KIAA1671: variants seen among roughly 807,000 people sequenced by gnomAD.
KIAA1671 encodes the protein KIAA1671.
Under a neutral mutation model 131.2 loss-of-function variants are expected in KIAA1671, and 52 were observed. That is an observed-to-expected ratio of 0.40 (90% CI 0.32 to 0.50). The LOEUF is 0.50. Ranked by LOEUF, KIAA1671 falls within the 20% of genes least tolerant of loss-of-function variation. The pLI is 0.73. For missense variants in KIAA1671, 2,360 were observed against 2,364.2 expected (o/e 1.00, Z 0.04); for synonymous variants, 1,003 against 961.6 (o/e 1.04, Z -0.80).
chr22:25,041,384 C>T lies in KIAA1671; in HGVS notation c.4254C>T (p.Ile1418=). 1 of 1,551,728 alleles carries T rather than the reference C, an allele frequency of 6.4e-7. No individual in the cohort carries two copies. The highest frequency in any genetic ancestry group is 2.4e-5 in the East Asian group (1 of 40,912). Residue 1418 remains isoleucine, a synonymous_variant, in exon 5 of 13, where the codon ATC becomes ATT. Coordinates refer to ENST00000358431, the MANE Select transcript of KIAA1671 (RefSeq NM_001145206.2). Reference sequence around the variant, plus strand: ...CAGAGAAGGGGCCCCCTGCCAACATCCGAGAGGGCCTGTCCATCATGCATG... The same window carrying T: ...CAGAGAAGGGGCCCCCTGCCAACATTCGAGAGGGCCTGTCCATCATGCATG... The part of the protein sequence containing the change: ...AYSEKGPPAN[I]REGLSIMHEA...
chr22:25,138,448 G>T (rs995523987), intron 6 of KIAA1671, among the ~76,000 whole-genome samples: 4 of 152,216 alleles, frequency 2.6e-5, no homozygotes, highest in African/African-American at 9.6e-5. Context: ...AGTATGGTCT[G>T]CCTGACACAG....
At chr22:25,052,562 G>C (rs1401172873) in intron 6 of KIAA1671, 1 of 152,066 alleles carries the variant, frequency 6.6e-6, no homozygotes, top group Non-Finnish European at 1.5e-5. Context: ...TCCAAGTTCT[G>C]GGTCTGCAGT....
chr22:25,076,955 C>T (rs1218491070), intron 6 of KIAA1671, among the ~76,000 whole-genome samples: 2 of 152,310 alleles, frequency 1.3e-5, no homozygotes, highest in South Asian at 2.1e-4. Flanking sequence ...GGTATCTCCT[C>T]CAAGGTCCCC....
intron 1 of KIAA1671, among the ~76,000 whole-genome samples, chr22:24,987,548 C>T (rs1448246979): frequency 6.6e-6 from 1 of 152,114 alleles, no homozygotes; most frequent in Non-Finnish European, 1.5e-5. Context: ...CTCACTGCAG[C>T]CTCAAACTCC....
intron 3 of KIAA1671, among the ~76,000 whole-genome samples, chr22:25,031,341 C>T (rs1354096337): frequency 5.9e-5 from 9 of 152,122 alleles, no homozygotes; most frequent in South Asian, 2.1e-4. Flanking sequence ...GGACTACAGG[C>T]GTCAGCCACC....
At chr22:25,034,073 G>A (rs2145796136) in intron 4 of KIAA1671, among the ~76,000 whole-genome samples, 1 of 148,216 alleles carries the variant, frequency 6.7e-6, no homozygotes, top group African/African-American at 2.5e-5. Flanking sequence ...TGGAAACGGA[G>A]TTTTGCTTGT....
At chr22:24,996,681 C>T (rs1240564961) in intron 1 of KIAA1671, among the ~76,000 whole-genome samples, 1 of 152,170 alleles carries the variant, frequency 6.6e-6, no homozygotes, top group East Asian at 1.9e-4. Flanking sequence ...AGAGTAAGTC[C>T]TGCCTTGGGG....
intron 6 of KIAA1671, among the ~76,000 whole-genome samples, chr22:25,067,873 C>T (rs2145844554): frequency 6.6e-6 from 1 of 152,364 alleles, no homozygotes; most frequent in East Asian, 1.9e-4. Flanking sequence ...CGCTGCATGC[C>T]CCACTTCTAT....
At chr22:25,133,221 G>A (rs1932522750) in intron 6 of KIAA1671, among the ~76,000 whole-genome samples, 1 of 152,206 alleles carries the variant, frequency 6.6e-6, no homozygotes, top group African/African-American at 2.4e-5. Context: ...GATCTCAGAT[G>A]AGAGAATTGT....
chr22:25,006,120 C>T (rs1231251437), intron 1 of KIAA1671, among the ~76,000 whole-genome samples: 1 of 152,194 alleles, frequency 6.6e-6, no homozygotes, highest in Non-Finnish European at 1.5e-5. Context: ...CAACCTCCAT[C>T]TCCTAGGTTC....
At chr22:25,047,820 G>A (rs2145818061) in intron 5 of KIAA1671, among the ~76,000 whole-genome samples, 1 of 152,292 alleles carries the variant, frequency 6.6e-6, no homozygotes, top group Middle Eastern at 3.4e-3. Flanking sequence ...TTTTAATTTT[G>A]AAGAAGTCTA....
chr22:25,046,072 C>T (rs1438318939), intron 5 of KIAA1671, among the ~76,000 whole-genome samples: 1 of 152,028 alleles, frequency 6.6e-6, no homozygotes, highest in African/African-American at 2.4e-5. Flanking sequence ...GAGGCCGAGG[C>T]TGGCAGATCA....
At chr22:25,153,880 C>T (rs1933133134) in intron 6 of KIAA1671, among the ~76,000 whole-genome samples, 1 of 152,240 alleles carries the variant, frequency 6.6e-6, no homozygotes, top group African/African-American at 2.4e-5. Context: ...AGGATTGGAG[C>T]CCGGGTCTGC....
chr22:25,010,844 T>C (rs1924995291), intron 1 of KIAA1671: 1 of 152,250 alleles, frequency 6.6e-6, no homozygotes, highest in African/African-American at 2.4e-5. Context: ...GTGGCTTAAC[T>C]ATATATCAAG....
intron 6 of KIAA1671, among the ~76,000 whole-genome samples, chr22:25,156,365 G>A (rs1480879641): frequency 6.6e-6 from 1 of 151,932 alleles, no homozygotes; most frequent in African/African-American, 2.4e-5. Flanking sequence ...GTGCATATAT[G>A]TGTGTATTTG....
chr22:25,162,106 C>T (rs1601370553), intron 6 of KIAA1671, among the ~76,000 whole-genome samples: 1 of 152,308 alleles, frequency 6.6e-6, no homozygotes, highest in East Asian at 1.9e-4. Flanking sequence ...GAAATGGGTT[C>T]CTCATGGTTC....
At chr22:25,070,158 T>C (rs1292547802) in intron 6 of KIAA1671, 1 of 384,522 alleles carries the variant, frequency 2.6e-6, no homozygotes, top group Non-Finnish European at 4.6e-6. Context: ...GCGGGGCTCA[T>C]AGGACCGAGT....
intron 6 of KIAA1671, among the ~76,000 whole-genome samples, chr22:25,150,972 A>G (rs1933018066): frequency 6.6e-6 from 1 of 151,794 alleles, no homozygotes; most frequent in Non-Finnish European, 1.5e-5. Flanking sequence ...AGCTGGGACT[A>G]CAGGCACCCG....
chr22:25,174,334 A>G lies in KIAA1671; in HGVS notation c.4744A>G (p.Thr1582Ala), dbSNP rs751101522. The change falls in exon 8 of 13, where the codon ACC (threonine) becomes GCC (alanine). Residue 1582 changes from threonine to alanine, a missense_variant. By Grantham distance (58) the Thr-to-Ala change is moderately conservative. This residue lies in a region of KIAA1671 where 1,161 missense variants were observed against 1,204.7 expected (regional missense o/e 0.96). Transcript: ENST00000358431. Reference protein sequence around the residue: ...LSSLSSQTEPTSAGDQYDCSR... With the variant: ...LSSLSSQTEPASAGDQYDCSR... ...TTCTCTGTCCTCCCAAACGGAGCCC[A>G]CCTCGGCAGGGGACCAGTATGACTG... The G allele has an allele frequency of 1.3e-6, 2 of 1,551,824 alleles. No individual in the cohort carries two copies. Among genetic ancestry groups the G allele is most frequent in the Non-Finnish European group, 1.7e-6 (2 of 1,147,072 alleles).
Sources: gnomAD v4.1 joint callset for allele counts (sites outside exome capture counted in the v4.1 genomes callset) on GRCh38, gnomAD v4.1.1 for gene constraint, gnomAD v4.1.1 regional missense constraint, MANE v1.5 for transcripts, NCBI Gene and HGNC (gene_info 2026-07-23, HGNC 2026-07-21) for gene names.